Variants in ZNF225 observed in about 807,000 individuals in gnomAD.
ZNF225 encodes zinc finger protein 225.
ZNF225 carries 6 observed loss-of-function variants against 12.0 expected under a neutral mutation model. That is an observed-to-expected ratio of 0.50 (90% CI 0.27 to 0.98). The LOEUF is 0.98. Among genes scored for constraint, ZNF225 ranks in the 50% least tolerant of loss-of-function variants. The pLI is 0.11. For missense variants in ZNF225, 763 were observed against 848.2 expected, an observed-to-expected ratio of 0.90 and a Z score of 1.25; for synonymous variants, 271 against 283.2, an observed-to-expected ratio of 0.96 and a Z score of 0.43.
intron 4 of ZNF225, among the ~76,000 whole-genome samples, chr19:44,119,540 C>T (rs1294693606): frequency 6.6e-6 from 1 of 152,178 alleles, no homozygotes; most frequent in Non-Finnish European, 1.5e-5. Flanking sequence ...ATTTCTGACC[C>T]TTCTTCCATA....
intron 4 of ZNF225, among the ~76,000 whole-genome samples, chr19:44,120,903 C>CT (rs113985967): frequency 1.0e-4 from 15 of 147,934 alleles, no homozygotes; most frequent in South Asian, 4.3e-4. Flanking sequence ...CCATTTCTCT[C>CT]TTTTTTTTTT....
intron 1 of ZNF225, among the ~76,000 whole-genome samples, chr19:44,114,405 G>GT (rs1473737363): frequency 6.6e-6 from 1 of 152,196 alleles, no homozygotes; most frequent in African/African-American, 2.4e-5. Context: ...TATAGATGAA[G>GT]TTATTTTGGT....
intron 1 of ZNF225, among the ~76,000 whole-genome samples, chr19:44,113,877 G>A (rs919289420): frequency 6.6e-6 from 1 of 152,174 alleles, no homozygotes; most frequent in African/African-American, 2.4e-5. Context: ...ACACAAATGA[G>A]AGCCTTAAAG....
At position 44,132,751 on chromosome 19, in the gene ZNF225, A is replaced by T. The variant is rs990674448; in HGVS notation, c.*16A>T. ...TGACACATAACTGTTGTACTCATTT[A>T]TGGGGTACAGTGTGATAGTTAATGC... On this transcript the variant is annotated 3_prime_UTR_variant, in exon 5 of 5. Transcript: ENST00000262894. The T allele has an allele frequency of 6.5e-7, 1 of 1,545,972 alleles. No individual in the cohort carries two copies. Among genetic ancestry groups the T allele is most frequent in the East Asian group, 2.3e-5 (1 of 43,150 alleles).
intron 4 of ZNF225, among the ~76,000 whole-genome samples, chr19:44,123,225 C>T (rs554882298): frequency 6.6e-6 from 1 of 152,100 alleles, no homozygotes; most frequent in Non-Finnish European, 1.5e-5. Flanking sequence ...TTGTCAGATG[C>T]TTTTTCTACA....
rs749557828 is a variant in ZNF225, at chr19:44,130,911, C to G, written c.297C>G (p.Phe99Leu). 5 of 1,613,972 alleles carry G rather than the reference C, an allele frequency of 3.1e-6. No individual in the cohort carries two copies. In the Admixed American group the frequency reaches 6.7e-5, roughly 22 times the overall value. ...VSESGTHEGL[F>L]SHQTWEQISS... Reference sequence around the variant, plus strand: ...AATCAGGAACACATGAAGGCTTGTTCAGTCATCAAACCTGGGAACAAATTT... The same window carrying G: ...AATCAGGAACACATGAAGGCTTGTTGAGTCATCAAACCTGGGAACAAATTT... Residue 99 changes from phenylalanine (F) to leucine (L), a missense_variant, in exon 5 of 5, where the codon TTC (phenylalanine) becomes TTG (leucine). Coordinates refer to ENST00000262894, the MANE Select transcript of ZNF225 (RefSeq NM_013362.4).
upstream of ZNF225, among the ~76,000 whole-genome samples, chr19:44,111,476 G>A (rs1057368807): frequency 3.3e-5 from 5 of 152,208 alleles, no homozygotes; most frequent in Admixed American, 2.6e-4. Context: ...CTGAAAGCTG[G>A]TAATGAAACA....
chr19:44,126,396 T>C (rs973894571), intron 4 of ZNF225, among the ~76,000 whole-genome samples: 2 of 152,206 alleles, frequency 1.3e-5, no homozygotes, highest in Non-Finnish European at 2.9e-5. Flanking sequence ...ATGAACTGTC[T>C]GTGGGTCTCT....
At chr19:44,121,384 T>C (rs1007076604) in intron 4 of ZNF225, among the ~76,000 whole-genome samples, 2 of 152,246 alleles carry the variant, frequency 1.3e-5, no homozygotes, top group African/African-American at 2.4e-5. Flanking sequence ...TTTTCTTTAT[T>C]CACTCGTTGA....
intron 4 of ZNF225, among the ~76,000 whole-genome samples, chr19:44,120,484 G>A (rs908695187): frequency 1.3e-5 from 2 of 152,186 alleles, no homozygotes; most frequent in African/African-American, 4.8e-5. Context: ...GAGATAGATA[G>A]CTAATAAGTG....
At chr19:44,126,923 C>T (rs182024235) in intron 4 of ZNF225, among the ~76,000 whole-genome samples, 118 of 152,338 alleles carry the variant, frequency 7.7e-4, no homozygotes, top group African/African-American at 2.8e-3. Flanking sequence ...TGTTTCCAGG[C>T]AGTGGGCAAG....
chr19:44,112,870 G>A (rs1967858138), upstream of ZNF225: 1 of 152,204 alleles, frequency 6.6e-6, no homozygotes, highest in Non-Finnish European at 1.5e-5. Flanking sequence ...CTTCTCGCTT[G>A]TTCCCTTTCC....
In ZNF225 at chr19:44,131,123, A is replaced by G. The variant is rs747506389; in HGVS notation, c.509A>G (p.Gln170Arg). 26 of 1,614,096 alleles carry G rather than the reference A, an allele frequency of 1.6e-5. No individual in the cohort carries two copies. Among genetic ancestry groups the G allele is most frequent in the Non-Finnish European group, 1.9e-5 (23 of 1,180,036 alleles). The change falls in exon 5 of 5, where the codon CAG (glutamine) becomes CGG (arginine). Residue 170 changes from glutamine (Q) to arginine (R), a missense_variant. Gln to Arg is a conservative substitution (Grantham distance 43). Transcript: ENST00000262894. Reference protein sequence around the residue: ...VSVLDLHQQLQSREKSHTCDE... With the variant: ...VSVLDLHQQLRSREKSHTCDE... ...GTCCTTGATCTTCATCAACAACTAC[A>G]GTCAAGAGAGAAGTCTCATACATGT...
At chr19:44,126,997 TC>T (rs1968160913) in intron 4 of ZNF225, among the ~76,000 whole-genome samples, 1 of 152,212 alleles carries the variant, frequency 6.6e-6, no homozygotes. Flanking sequence ...GCTTGGGTCT[TC>T]CCCTGCCTGT....
upstream of ZNF225, chr19:44,111,953 A>G (rs186287087): frequency 6.6e-6 from 1 of 152,310 alleles, no homozygotes; most frequent in Admixed American, 6.5e-5. Context: ...AAAACTCCTC[A>G]GTTTAGGAGC....
intron 4 of ZNF225, among the ~76,000 whole-genome samples, chr19:44,119,310 A>T (rs144862481): frequency 6.6e-6 from 1 of 152,140 alleles, no homozygotes; most frequent in South Asian, 2.1e-4. Context: ...GTAGTAACCA[A>T]TGACCACACA....
At chr19:44,119,007 G>A (rs1040239578) in intron 4 of ZNF225, among the ~76,000 whole-genome samples, 12 of 151,946 alleles carry the variant, frequency 7.9e-5, no homozygotes, top group Non-Finnish European at 1.0e-4. Flanking sequence ...TAGTAGAGAC[G>A]GGGTTTCACC....
At chr19:44,126,680 T>A (rs1234132057) in intron 4 of ZNF225, among the ~76,000 whole-genome samples, 1 of 152,052 alleles carries the variant, frequency 6.6e-6, no homozygotes, top group African/African-American at 2.4e-5. Flanking sequence ...GCTAGGTGTG[T>A]CTGAGCTCAG....
chr19:44,117,123 T>G lies in ZNF225; in HGVS notation c.16-1065T>G, dbSNP rs544874287. 2.0e-4 allele frequency among the ~76,000 whole-genome samples: 30 copies of G among 152,346 alleles called. 1 individual carries two copies. In the South Asian group the frequency reaches 6.0e-3, roughly 30 times the overall value. On this transcript the variant is annotated intron_variant, in intron 2 of 4. Coordinates refer to ENST00000262894, the MANE Select transcript of ZNF225 (RefSeq NM_013362.4). ...AATGACAATAATAATAAAAAAAATT[T>G]TAAAAAGCTAGTGTTTATTAGGTAT...
Sources: gnomAD v4.1 joint callset for allele counts (sites outside exome capture counted in the v4.1 genomes callset) on GRCh38, gnomAD v4.1.1 for gene constraint, MANE v1.5 for transcripts, NCBI Gene and HGNC (gene_info 2026-07-23, HGNC 2026-07-21) for gene names.